The following COL22A1 variants were observed in gnomAD, a reference collection of about 807,000 sequenced individuals.
COL22A1 encodes collagen type XXII alpha 1 chain.
In COL22A1, 221 loss-of-function variants were observed where a neutral mutation model predicts 248.9. That is an observed-to-expected ratio of 0.89 (90% CI 0.80 to 0.99). The LOEUF is 0.99. COL22A1 is among the 50% of genes least tolerant of loss of function. The pLI is 0.00. For missense variants in COL22A1, 2,240 were observed against 2,179.0 expected, an observed-to-expected ratio of 1.03 and a Z score of -0.56; for synonymous variants, 891 against 793.4, an observed-to-expected ratio of 1.12 and a Z score of -2.07.
Position 138,634,555 on chromosome 8 carries a change from G to T in COL22A1, c.3609+455C>A, listed in dbSNP as rs563968921. On this transcript the variant is annotated intron_variant, in intron 49 of 64. Transcript: ENST00000303045. ...GAGAAGGGCACCAGTCAATGTCAAG[G>T]CTACAGCTACTGTAAAAGCAGAGAG... is the stretch of plus-strand genomic sequence containing the variant. Among the ~76,000 whole-genome samples, 7 of 152,276 alleles carry T rather than the reference G, an allele frequency of 4.6e-5. No homozygotes were observed. The South Asian group carries it at 1.5e-3, about 32-fold the overall frequency.
chr8:138,738,465 TG>T (rs1831296638), intron 22 of COL22A1, among the ~76,000 whole-genome samples: 1 of 152,196 alleles, frequency 6.6e-6, no homozygotes, highest in Non-Finnish European at 1.5e-5. Context: ...AATCAAGAAT[TG>T]AAAGTAAAAT....
intron 16 of COL22A1, among the ~76,000 whole-genome samples, chr8:138,763,913 C>T (rs898799830): frequency 1.3e-5 from 2 of 152,208 alleles, no homozygotes; most frequent in African/African-American, 2.4e-5. Flanking sequence ...CCCAGTCACA[C>T]GAGGACAGGA....
At chr8:138,606,511 T>G in intron 57 of COL22A1, 59 bp from the exon 58 acceptor site, 1 of 1,545,246 alleles carries the variant, frequency 6.5e-7, no homozygotes, top group Admixed American at 1.8e-5. Flanking sequence ...CAAGCAGATT[T>G]GGAAACCTTG....
At chr8:138,904,093 T>C (rs1395454416) in intron 1 of COL22A1, among the ~76,000 whole-genome samples, 1 of 152,128 alleles carries the variant, frequency 6.6e-6, no homozygotes, top group Non-Finnish European at 1.5e-5. Context: ...CTGGAGTTCT[T>C]CCACTTCAAA....
At chr8:138,591,590 G>T in intron 63 of COL22A1, 89 bp from the exon 64 acceptor site, 1 of 996,278 alleles carries the variant, frequency 1.0e-6, no homozygotes, top group Non-Finnish European at 1.4e-6. Context: ...TGCAGGGGCA[G>T]CACTGGGCTG....
intron 37 of COL22A1, among the ~76,000 whole-genome samples, chr8:138,686,244 C>T (rs189059123): frequency 5.9e-5 from 9 of 152,198 alleles, no homozygotes; most frequent in Middle Eastern, 3.4e-3. Context: ...GCACCGGGGT[C>T]GGCTTGAGGA....
intron 1 of COL22A1, among the ~76,000 whole-genome samples, chr8:138,888,723 G>A (rs1021743536): frequency 1.6e-4 from 24 of 152,192 alleles, no homozygotes; most frequent in Non-Finnish European, 2.8e-4. Flanking sequence ...TCCAAGGTCA[G>A]GAGTCAGATG....
At chr8:138,743,323 G>A (rs1405634226) in intron 22 of COL22A1, among the ~76,000 whole-genome samples, 8 of 151,690 alleles carry the variant, frequency 5.3e-5, no homozygotes, top group African/African-American at 1.9e-4. Context: ...GGGTGATGGT[G>A]GTAGTGATTG....
intron 25 of COL22A1, among the ~76,000 whole-genome samples, chr8:138,723,760 C>A (rs986412146): frequency 1.3e-5 from 2 of 152,222 alleles, no homozygotes; most frequent in Admixed American, 1.3e-4. Context: ...ATGTCCAGTA[C>A]CCTTTGGCAT....
At position 138,874,645 on chromosome 8, in the gene COL22A1, G is replaced by A. The variant is rs185837506; in HGVS notation, c.658+3105C>T. Among the ~76,000 whole-genome samples, 706 of 152,262 alleles carry A rather than the reference G, an allele frequency of 4.6e-3. 4 individuals are homozygous for A. The highest frequency in any genetic ancestry group is 0.016 in the African/African-American group (663 of 41,550). On this transcript the variant is annotated intron_variant, in intron 3 of 64. Transcript: ENST00000303045. ...ATCCACTGAGAGGTGTCTTGCTGTG[G>A]TGTCCCCAACTTGCCCTCCCATGTC...
chr8:138,722,630 T>C (rs1388782029), intron 25 of COL22A1, among the ~76,000 whole-genome samples: 1 of 152,178 alleles, frequency 6.6e-6, no homozygotes, highest in African/African-American at 2.4e-5. Context: ...AGGAGTTTCC[T>C]TCTACCATGA....
intron 12 of COL22A1, among the ~76,000 whole-genome samples, chr8:138,786,532 C>T (rs1815530257): frequency 6.6e-6 from 1 of 152,182 alleles, no homozygotes; most frequent in Admixed American, 6.5e-5. Flanking sequence ...CATTATAAAA[C>T]ATCTTCACCA....
chr8:138,856,143 G>A (rs928127289), intron 3 of COL22A1, among the ~76,000 whole-genome samples: 3 of 152,208 alleles, frequency 2.0e-5, no homozygotes, highest in African/African-American at 4.8e-5. Context: ...GAAATGAGGA[G>A]GGCATGGCAA....
At position 138,858,432 on chromosome 8, in the gene COL22A1, G is replaced by A. The variant is rs192275703; in HGVS notation, c.659-14274C>T. ...GTCTTGCTTTATCACCCAGGCTGGA[G>A]TGCAGTGGTGCAATCACAGCTCACT... is the stretch of plus-strand genomic sequence containing the variant. On this transcript the variant is annotated intron_variant, in intron 3 of 64. Coordinates refer to ENST00000303045, the MANE Select transcript of COL22A1 (RefSeq NM_152888.3). Among the ~76,000 whole-genome samples, 3 of 152,082 alleles carry A rather than the reference G, an allele frequency of 2.0e-5. No individual in the cohort carries two copies. In the East Asian group the frequency reaches 5.8e-4, roughly 30 times the overall value.
chr8:138,833,180 T>G, intron 4 of COL22A1, 30 bp from the exon 5 acceptor site: 34 of 1,484,924 alleles, frequency 2.3e-5, no homozygotes, highest in African/African-American at 4.1e-5. Context: ...GGGAGTGAGT[T>G]TGGAGAAGGA....
At chr8:138,597,241 G>A (rs1817619556) in intron 61 of COL22A1, among the ~76,000 whole-genome samples, 1 of 152,114 alleles carries the variant, frequency 6.6e-6, no homozygotes, top group Non-Finnish European at 1.5e-5. Flanking sequence ...GTATTCACTG[G>A]ATTTCCTTCC....
intron 1 of COL22A1, among the ~76,000 whole-genome samples, chr8:138,904,839 G>A (rs1303849063): frequency 6.6e-6 from 1 of 152,162 alleles, no homozygotes; most frequent in Non-Finnish European, 1.5e-5. Context: ...AGAGAATAAT[G>A]AGAAGCCACA....
At chr8:138,903,019 G>A (rs1408571929) in intron 1 of COL22A1, among the ~76,000 whole-genome samples, 1 of 152,108 alleles carries the variant, frequency 6.6e-6, no homozygotes, top group African/African-American at 2.4e-5. Flanking sequence ...GCTAACACGT[G>A]AATAAGAAAA....
intron 12 of COL22A1, among the ~76,000 whole-genome samples, chr8:138,794,365 G>A (rs1219308954): frequency 1.3e-5 from 2 of 150,400 alleles, no homozygotes; most frequent in East Asian, 1.9e-4. Flanking sequence ...CTAGCCTGGC[G>A]ACAGAGTGAG....
Sources: allele counts gnomAD v4.1 joint callset (sites outside exome capture counted in the v4.1 genomes callset), GRCh38; gene constraint gnomAD v4.1.1; transcripts MANE v1.5; gene names NCBI Gene and HGNC (gene_info 2026-07-23, HGNC 2026-07-21).